PDE9A: variants seen among roughly 807,000 people sequenced by gnomAD.
PDE9A encodes phosphodiesterase 9A.
Under a neutral mutation model 87.4 loss-of-function variants are expected in PDE9A, and 60 were observed. The observed-to-expected ratio is 0.69, with a 90% CI of 0.56 to 0.85. The LOEUF is 0.85. Among genes scored for constraint, PDE9A ranks in the 40% least tolerant of loss-of-function variants. The pLI, the probability that PDE9A is intolerant of heterozygous loss-of-function variation, is 0.00. For missense variants in PDE9A, 665 were observed against 779.0 expected, an observed-to-expected ratio of 0.85 and a Z score of 1.74; for synonymous variants, 272 against 279.4, an observed-to-expected ratio of 0.97 and a Z score of 0.27.
At chr21:42,698,504 G>GT (rs1001027885) in intron 3 of PDE9A, among the ~76,000 whole-genome samples, 19 of 151,304 alleles carry the variant, frequency 1.3e-4, no homozygotes, top group Middle Eastern at 6.8e-3. Context: ...GATGGGGGGA[G>GT]GGGGGTTGAC....
At position 42,716,096 on chromosome 21, in the gene PDE9A, G is replaced by A. The variant is rs574131275; in HGVS notation, c.263-15674G>A. The stretch of plus-strand genomic sequence containing the variant: ...ATCTTAGCATTGAAGCATATTCCAT[G>A]GTCTGTATGTATCACAGTTTATTTG... On this transcript the variant is annotated intron_variant, in intron 4 of 19. Coordinates refer to ENST00000291539, the MANE Select transcript of PDE9A (RefSeq NM_002606.3). 2.6e-5 allele frequency among the ~76,000 whole-genome samples: 4 copies of A among 151,854 alleles called. No homozygotes were observed. The East Asian group carries it at 7.7e-4, about 29-fold the overall frequency.
intron 1 of PDE9A, among the ~76,000 whole-genome samples, chr21:42,673,889 G>A (rs148732949): frequency 4.5e-4 from 68 of 152,372 alleles, no homozygotes; most frequent in Non-Finnish European, 7.3e-4. Context: ...CAGGTCTCAC[G>A]GCAGTGGCCA....
intron 8 of PDE9A, among the ~76,000 whole-genome samples, chr21:42,746,946 C>T (rs1331547993): frequency 6.6e-6 from 1 of 152,206 alleles, no homozygotes; most frequent in Non-Finnish European, 1.5e-5. Context: ...GCTCTGGCAG[C>T]CTCCCCTGTA....
chr21:42,760,471 G>C lies in PDE9A; in HGVS notation c.1002+39G>C. 1 of 1,281,244 alleles carries C rather than the reference G, an allele frequency of 7.8e-7. No individual in the cohort carries two copies. Among genetic ancestry groups the C allele is most frequent in the Non-Finnish European group, 1.1e-6 (1 of 893,120 alleles). The allele number at this position is 1,281,244 out of a possible 1,614,324, so 79.4% of individuals were successfully genotyped here. On this transcript the variant is annotated intron_variant, in intron 12 of 19. Transcript: ENST00000291539. The surrounding 1 kb of genome is among the most constrained non-coding windows in gnomAD (Gnocchi z 5.2). ...GCTGCACACCCAGACCTCTACTCTC[G>C]GGGGTCAGACGGAGGCCCCCTTCCA... is the stretch of plus-strand genomic sequence containing the variant.
intron 2 of PDE9A, among the ~76,000 whole-genome samples, chr21:42,686,976 G>C (rs2059515665): frequency 6.6e-6 from 1 of 152,180 alleles, no homozygotes; most frequent in Admixed American, 6.5e-5. Flanking sequence ...AACACTGGGT[G>C]AAAGGCTGAC....
At chr21:42,699,302 T>A (rs1397198726) in intron 4 of PDE9A, among the ~76,000 whole-genome samples, 1 of 152,194 alleles carries the variant, frequency 6.6e-6, no homozygotes, top group Non-Finnish European at 1.5e-5. Flanking sequence ...TTTTTCTTAC[T>A]CCTTTTGGCC....
chr21:42,708,928 A>C (rs991842678), intron 4 of PDE9A, among the ~76,000 whole-genome samples: 1 of 152,188 alleles, frequency 6.6e-6, no homozygotes, highest in African/African-American at 2.4e-5. Flanking sequence ...CAGAAATACC[A>C]TTTGACCCAG....
chr21:42,769,289 A>C, intron 17 of PDE9A, 134 bp downstream of exon 17: 1 of 771,016 alleles, frequency 1.3e-6, no homozygotes, highest in Admixed American at 2.5e-5. Flanking sequence ...ACACAGATAC[A>C]CACAGACGCA....
chr21:42,726,624 A>ATATTTTTT lies in PDE9A; in HGVS notation c.263-5145_263-5144insATTTTTTT. Among the ~76,000 whole-genome samples the ATATTTTTT allele has an allele frequency of 5.7e-3, 113 of 19,784 alleles. 3 individuals are homozygous for ATATTTTTT. Among genetic ancestry groups the ATATTTTTT allele is most frequent in the African/African-American group, 6.5e-3 (19 of 2,940 alleles). 13.0% of individuals were successfully genotyped at this position (19,784 alleles called of 152,430 possible). On this transcript the variant is annotated intron_variant, in intron 4 of 19. Transcript: ENST00000291539. ...TATATATATATATATATATATATAT[A>ATATTTTTT]TTTTTTTTTTTTTTTTTGTAGAGAT...
chr21:42,693,545 C>T (rs1358808137), intron 3 of PDE9A, among the ~76,000 whole-genome samples: 1 of 151,714 alleles, frequency 6.6e-6, no homozygotes, highest in South Asian at 2.1e-4. Flanking sequence ...CTGCCTCGGC[C>T]CCCCAGAGTG....
At chr21:42,693,316 T>TTTTA (rs2059961134) in intron 3 of PDE9A, among the ~76,000 whole-genome samples, 1 of 129,660 alleles carries the variant, frequency 7.7e-6, no homozygotes. Flanking sequence ...TTTTTTTTTT[T>TTTTA]GAGACGGAGT....
intron 4 of PDE9A, among the ~76,000 whole-genome samples, chr21:42,717,790 G>A (rs775946301): frequency 6.6e-6 from 1 of 151,726 alleles, no homozygotes; most frequent in Non-Finnish European, 1.5e-5. Context: ...GCTTAAAGAT[G>A]TTGACTCACT....
chr21:42,679,836 C>T (rs2059065590), intron 1 of PDE9A, among the ~76,000 whole-genome samples: 1 of 152,238 alleles, frequency 6.6e-6, no homozygotes, highest in Non-Finnish European at 1.5e-5. Context: ...TCGCAGCCCC[C>T]TGGAGGCCAG....
rs561576961 is a variant in PDE9A, at chr21:42,730,667, T to G, written c.263-1103T>G. On this transcript the variant is annotated intron_variant, in intron 4 of 19. Coordinates refer to ENST00000291539, the MANE Select transcript of PDE9A (RefSeq NM_002606.3). ...TTTTTTTGTACTTTAACAACAGACA[T>G]GAACATTTTTCAAAATATTATTTCT... Among the ~76,000 whole-genome samples the G allele has an allele frequency of 1.1e-3, 165 of 152,318 alleles. 1 individual carries two copies. The highest frequency in any genetic ancestry group is 3.7e-3 in the African/African-American group (153 of 41,576).
rs996547244 is a variant in PDE9A at position 42,736,852 on chromosome 21, C to T, written c.568+3426C>T. Among the ~76,000 whole-genome samples the T allele has an allele frequency of 4.6e-5, 7 of 152,196 alleles. No individual in the cohort carries two copies. The East Asian group carries it at 9.6e-4, about 21-fold the overall frequency. On this transcript the variant is annotated intron_variant, in intron 7 of 19. Coordinates refer to ENST00000291539, the MANE Select transcript of PDE9A (RefSeq NM_002606.3). ...CACCTGGCTTTGGGCTCATCCTCCC[C>T]GGGCACTTCTGGCTGATGGCTCCCC... is the stretch of plus-strand genomic sequence containing the variant.
intron 1 of PDE9A, among the ~76,000 whole-genome samples, chr21:42,676,435 C>T (rs1331521851): frequency 6.6e-6 from 1 of 152,226 alleles, no homozygotes; most frequent in Admixed American, 6.5e-5. Flanking sequence ...ATGCCTAACT[C>T]GATTTCCAGC....
At chr21:42,735,298 A>C (rs940304040) in intron 7 of PDE9A, among the ~76,000 whole-genome samples, 1 of 152,108 alleles carries the variant, frequency 6.6e-6, no homozygotes, top group Non-Finnish European at 1.5e-5. Context: ...TCTCCATGTC[A>C]CTGGCTACAG....
intron 4 of PDE9A, 84 bp downstream of exon 4, chr21:42,699,095 A>C: frequency 1.2e-6 from 1 of 848,602 alleles, no homozygotes; most frequent in Non-Finnish European, 2.0e-6. Context: ...TATACTAGTT[A>C]AGCATTTGAA....
chr21:42,728,232 A>C (rs1363480240), intron 4 of PDE9A, among the ~76,000 whole-genome samples: 1 of 152,180 alleles, frequency 6.6e-6, no homozygotes. Flanking sequence ...CATCTTATAT[A>C]AGGAATTTGA....
Sources: allele counts gnomAD v4.1 joint callset (sites outside exome capture counted in the v4.1 genomes callset), GRCh38; gene constraint gnomAD v4.1.1; non-coding constraint Gnocchi (gnomAD v3.1); transcripts MANE v1.5; gene names NCBI Gene and HGNC (gene_info 2026-07-23, HGNC 2026-07-21).